The following RBFOX1 variants were observed in gnomAD, a reference collection of about 807,000 sequenced individuals.
The protein encoded by RBFOX1 is RNA binding protein fox-1 homolog 1.
RBFOX1 carries 8 observed loss-of-function variants against 57.7 expected under a neutral mutation model. That is an observed-to-expected ratio of 0.14 (90% CI 0.08 to 0.25). The LOEUF is 0.25. RBFOX1 is among the 10% of genes least tolerant of loss of function. RBFOX1 has a pLI of 1.00. For missense variants in RBFOX1, 611 were observed against 548.5 expected, an observed-to-expected ratio of 1.11 and a Z score of -1.14; for synonymous variants, 326 against 222.4, an observed-to-expected ratio of 1.47 and a Z score of -4.15.
chr16:5,836,089 A>T (rs117189190), intron 3 of RBFOX1, among the ~76,000 whole-genome samples: 4 of 152,160 alleles, frequency 2.6e-5, no homozygotes, highest in South Asian at 2.1e-4. Flanking sequence ...CTTGCAGCAG[A>T]TGTTTAATTA....
At chr16:6,872,675 C>G (rs890351934) in intron 3 of RBFOX1, among the ~76,000 whole-genome samples, 12 of 152,262 alleles carry the variant, frequency 7.9e-5, no homozygotes, top group African/African-American at 2.4e-4. Context: ...ACTGTCACTG[C>G]TAGCAAAATT....
chr16:7,479,896 C>T (rs1383698802), intron 4 of RBFOX1, among the ~76,000 whole-genome samples: 3 of 152,120 alleles, frequency 2.0e-5, no homozygotes, highest in Non-Finnish European at 2.9e-5. Flanking sequence ...GAGTTTTTAT[C>T]GGAGATTTCC....
chr16:7,362,822 A>C (rs2097355203), intron 4 of RBFOX1, among the ~76,000 whole-genome samples: 1 of 152,150 alleles, frequency 6.6e-6, no homozygotes, highest in Non-Finnish European at 1.5e-5. Flanking sequence ...GAAGTGGCTT[A>C]TCAGTGGGTC....
At chr16:6,436,587 G>A (rs1208742334) in intron 2 of RBFOX1, among the ~76,000 whole-genome samples, 1 of 144,586 alleles carries the variant, frequency 6.9e-6, no homozygotes, top group Non-Finnish European at 1.5e-5. Flanking sequence ...ATTTTTTCTG[G>A]GGGGAAAAAT....
At chr16:7,065,269 G>T (rs1030030101) in intron 4 of RBFOX1, among the ~76,000 whole-genome samples, 1 of 152,100 alleles carries the variant, frequency 6.6e-6, no homozygotes. Flanking sequence ...AAGGTAGAAG[G>T]TGCCCGTGTG....
At chr16:7,156,414 C>A (rs533099173) in intron 4 of RBFOX1, among the ~76,000 whole-genome samples, 4 of 151,464 alleles carry the variant, frequency 2.6e-5, no homozygotes, top group Non-Finnish European at 4.4e-5. Flanking sequence ...TATATGTGTG[C>A]GTATAGTTGT....
At chr16:5,991,812 C>G (rs2060405215) in intron 4 of RBFOX1, among the ~76,000 whole-genome samples, 2 of 152,038 alleles carry the variant, frequency 1.3e-5, no homozygotes, top group Non-Finnish European at 1.5e-5. Context: ...TAACCTCCTT[C>G]AACCTTAGCA....
intron 4 of RBFOX1, among the ~76,000 whole-genome samples, chr16:7,505,940 C>G (rs1043478716): frequency 1.3e-5 from 2 of 152,034 alleles, no homozygotes; most frequent in Non-Finnish European, 2.9e-5. Flanking sequence ...AATCCGAGCA[C>G]TTTGGGAGGC....
At chr16:6,245,034 T>A (rs2097561530) in intron 1 of RBFOX1, among the ~76,000 whole-genome samples, 2 of 152,246 alleles carry the variant, frequency 1.3e-5, no homozygotes, top group East Asian at 3.9e-4. Flanking sequence ...TTAATATTAA[T>A]ATTCTTCCTC....
chr16:7,202,392 G>A (rs1210481941), intron 4 of RBFOX1, among the ~76,000 whole-genome samples: 1 of 151,542 alleles, frequency 6.6e-6, no homozygotes, highest in Non-Finnish European at 1.5e-5. Context: ...AGGTAAAATA[G>A]TACAGGTGCT....
intron 2 of RBFOX1, among the ~76,000 whole-genome samples, chr16:6,554,372 A>C (rs1351902508): frequency 3.9e-5 from 6 of 152,166 alleles, no homozygotes. Flanking sequence ...TAGATTAGTA[A>C]TTGCCTAGGG....
At chr16:6,129,744 G>T (rs532652086) in intron 1 of RBFOX1, among the ~76,000 whole-genome samples, 3 of 127,924 alleles carry the variant, frequency 2.3e-5, no homozygotes, top group South Asian at 5.3e-4. Flanking sequence ...CAGTCATATT[G>T]ACGAAAAAAA....
At chr16:7,049,888 C>G (rs1041729715) in intron 3 of RBFOX1, among the ~76,000 whole-genome samples, 1 of 152,106 alleles carries the variant, frequency 6.6e-6, no homozygotes, top group East Asian at 1.9e-4. Context: ...CCTTTTTTAT[C>G]ATTTTAAAGT....
At chr16:6,747,783 A>C (rs920625968) in intron 3 of RBFOX1, among the ~76,000 whole-genome samples, 1 of 152,092 alleles carries the variant, frequency 6.6e-6, no homozygotes, top group African/African-American at 2.4e-5. Flanking sequence ...GTCAATCTAC[A>C]TGCTCATAGA....
At chr16:7,238,488 A>C (rs1021979790) in intron 4 of RBFOX1, among the ~76,000 whole-genome samples, 1 of 151,830 alleles carries the variant, frequency 6.6e-6, no homozygotes, top group Non-Finnish European at 1.5e-5. Context: ...ATATTTACTT[A>C]GTACTTTTTC....
rs377763508 is a variant in RBFOX1, at chr16:7,394,441, G to T, written c.28-123706G>T. On this transcript the variant is annotated intron_variant, in intron 4 of 15. Transcript: ENST00000550418. ...TGCTTACCTCCCCTAATGGCCATAT[G>T]GGGAACAGGATTTTATTAAGGAAAC... is the stretch of plus-strand genomic sequence containing the variant. Among the ~76,000 whole-genome samples, 9 of 152,086 alleles carry T rather than the reference G, an allele frequency of 5.9e-5. 1 individual carries two copies. In the South Asian group the frequency reaches 1.9e-3, roughly 32 times the overall value.
At chr16:5,744,424 C>G (rs1444359596) in intron 3 of RBFOX1, among the ~76,000 whole-genome samples, 1 of 152,126 alleles carries the variant, frequency 6.6e-6, no homozygotes, top group Non-Finnish European at 1.5e-5. Context: ...AGGCAGAATC[C>G]TTCTTTTCCG....
rs932597620 is a variant in RBFOX1, at chr16:7,348,704, G to A, written c.28-169443G>A. Among the ~76,000 whole-genome samples, 3 of 152,206 alleles carry A rather than the reference G, an allele frequency of 2.0e-5. No homozygotes were observed. In the East Asian group the frequency reaches 5.8e-4, roughly 29 times the overall value. ...CGCCTAGAATCCCAGCACTTTGGGA[G>A]GCTGAGGATGGCAGATCACCTGAGG... On this transcript the variant is annotated intron_variant, in intron 4 of 15. Coordinates refer to ENST00000550418, the MANE Select transcript of RBFOX1 (RefSeq NM_018723.4).
intron 1 of RBFOX1, among the ~76,000 whole-genome samples, chr16:5,398,975 A>G (rs1003621877): frequency 5.9e-5 from 9 of 152,234 alleles, no homozygotes. Context: ...CTCCAGTCCC[A>G]GCTTTTCTCC....
Sources: gnomAD v4.1 joint callset for allele counts (sites outside exome capture counted in the v4.1 genomes callset) on GRCh38, gnomAD v4.1.1 for gene constraint, MANE v1.5 for transcripts, NCBI Gene and HGNC (gene_info 2026-07-23, HGNC 2026-07-21) for gene names.